The following DSCAML1 variants were observed in gnomAD, a reference collection of about 807,000 sequenced individuals.
The protein encoded by DSCAML1 is DS cell adhesion molecule like 1, also known as cell adhesion molecule DSCAML1.
In DSCAML1, 38 loss-of-function variants were observed where a neutral mutation model predicts 200.5. The observed-to-expected ratio is 0.19, with a 90% CI of 0.15 to 0.25. The LOEUF (loss-of-function observed/expected upper bound fraction) is 0.25, where lower values mean the gene tolerates loss of function less well. DSCAML1 is among the 10% of genes least tolerant of loss of function. DSCAML1 has a pLI of 1.00. For missense variants in DSCAML1, 2,223 were observed against 2,858.8 expected (o/e 0.78, Z 5.07); for synonymous variants, 1,215 against 1,165.0 (o/e 1.04, Z -0.87).
At chr11:117,539,802 GGAGA>G (rs1345295472) in intron 3 of DSCAML1, among the ~76,000 whole-genome samples, 1 of 151,978 alleles carries the variant, frequency 6.6e-6, no homozygotes, top group South Asian at 2.1e-4. Context: ...CTGAAAGCAG[GGAGA>G]GAGATATTTG....
intron 3 of DSCAML1, chr11:117,668,414 C>T (rs1195001887): frequency 1.3e-5 from 2 of 152,278 alleles, no homozygotes; most frequent in Admixed American, 1.3e-4. Context: ...TGCAAGCTCT[C>T]AGCAAAAACT....
At chr11:117,550,503 C>T (rs2137390316) in intron 3 of DSCAML1, among the ~76,000 whole-genome samples, 1 of 152,294 alleles carries the variant, frequency 6.6e-6, no homozygotes, top group South Asian at 2.1e-4. Context: ...CCATGGCCAG[C>T]TTTCAGGGTG....
intron 8 of DSCAML1, among the ~76,000 whole-genome samples, chr11:117,513,782 A>G (rs1189510094): frequency 6.6e-6 from 1 of 151,592 alleles, no homozygotes; most frequent in Non-Finnish European, 1.5e-5. Context: ...CTGGGCTCAA[A>G]GTGAGGTTTC....
At chr11:117,776,737 C>G in intron 3 of DSCAML1, 54 bp downstream of exon 3, 1 of 1,606,396 alleles carries the variant, frequency 6.2e-7, no homozygotes, top group Non-Finnish European at 8.5e-7. Context: ...CTACTTTATC[C>G]AGTCCCCACA....
rs539842393 is a variant in DSCAML1, at chr11:117,666,344, T to A, written c.511+110447A>T. ...ACCCAGTAGCTAGCATTTTCCATAG[T>A]GGATTTTAGAAGTTGTGTAATCAAT... On this transcript the variant is annotated intron_variant, in intron 3 of 32. Transcript: ENST00000651296. Among the ~76,000 whole-genome samples, 3 of 152,276 alleles carry A rather than the reference T, an allele frequency of 2.0e-5. No individual in the cohort carries two copies. In the East Asian group the frequency reaches 5.8e-4, roughly 29 times the overall value.
At chr11:117,556,940 T>C (rs919233185) in intron 3 of DSCAML1, among the ~76,000 whole-genome samples, 2 of 152,112 alleles carry the variant, frequency 1.3e-5, no homozygotes, top group African/African-American at 2.4e-5. Context: ...AGGATGCTAG[T>C]AAAGCGGTGG....
At chr11:117,448,327 C>G (rs1294442250) in intron 20 of DSCAML1, among the ~76,000 whole-genome samples, 2 of 152,148 alleles carry the variant, frequency 1.3e-5, no homozygotes, top group African/African-American at 2.4e-5. Context: ...TATAGAATTG[C>G]TAGGCTGCTA....
At chr11:117,581,650 T>C (rs1371477265) in intron 3 of DSCAML1, among the ~76,000 whole-genome samples, 1 of 152,200 alleles carries the variant, frequency 6.6e-6, no homozygotes, top group East Asian at 1.9e-4. Context: ...TACTTTTACA[T>C]GCATATGTTA....
chr11:117,527,418 G>GT (rs974803151), intron 4 of DSCAML1, among the ~76,000 whole-genome samples: 24 of 152,290 alleles, frequency 1.6e-4, no homozygotes, highest in African/African-American at 5.8e-4. Flanking sequence ...AACCGCTGCT[G>GT]TATCTCCCCA....
At chr11:117,811,537 TC>T (rs112630996) in intron 1 of DSCAML1, among the ~76,000 whole-genome samples, 2 of 152,018 alleles carry the variant, frequency 1.3e-5, no homozygotes, top group Non-Finnish European at 2.9e-5. Context: ...CAGAACCTCC[TC>T]CCCCAGGAGC....
intron 3 of DSCAML1, among the ~76,000 whole-genome samples, chr11:117,667,033 G>A (rs2052990922): frequency 6.6e-6 from 1 of 152,214 alleles, no homozygotes; most frequent in South Asian, 2.1e-4. Flanking sequence ...CTGGACAGCA[G>A]CTGGGGGGTC....
chr11:117,667,775 C>G (rs2053009348), intron 3 of DSCAML1, among the ~76,000 whole-genome samples: 1 of 152,198 alleles, frequency 6.6e-6, no homozygotes, highest in Non-Finnish European at 1.5e-5. Flanking sequence ...TGGCAGCATC[C>G]TTACTCCCAA....
rs779848753 is a variant in DSCAML1, at chr11:117,482,092, G to A, written c.2430C>T (p.Cys810=). ...TGATGGGCCGCTCACCCCGTGCCGT[G>A]CAGTTTAGCTCCTTCGCATGGCCCT... The part of the protein sequence containing the change: ...AIKGHAKELN[C]TARGERPIII... Residue 810 remains cysteine, a synonymous_variant, in exon 12 of 33, where the codon TGC becomes TGT. Transcript: ENST00000651296. 10 of 1,614,188 alleles carry A rather than the reference G, an allele frequency of 6.2e-6. No homozygotes were observed. The South Asian group carries it at 1.1e-4, about 18-fold the overall frequency.
chr11:117,514,139 C>A (rs545736795), intron 8 of DSCAML1, among the ~76,000 whole-genome samples: 1 of 152,244 alleles, frequency 6.6e-6, no homozygotes, highest in African/African-American at 2.4e-5. Flanking sequence ...GCCTTCCCCC[C>A]ATGCCAGAGC....
chr11:117,593,530 A>G (rs1372814091), intron 3 of DSCAML1, among the ~76,000 whole-genome samples: 3 of 152,212 alleles, frequency 2.0e-5, no homozygotes, highest in East Asian at 3.9e-4. Context: ...ATAGGGTTCT[A>G]CAAATCCCAG....
At chr11:117,786,093 G>A (rs1330281311) in intron 1 of DSCAML1, among the ~76,000 whole-genome samples, 2 of 152,094 alleles carry the variant, frequency 1.3e-5, no homozygotes, top group Non-Finnish European at 2.9e-5. Context: ...GCCACTCCCC[G>A]CAGCTCTTTC....
intron 1 of DSCAML1, among the ~76,000 whole-genome samples, chr11:117,793,035 C>A: frequency 6.6e-6 from 1 of 152,202 alleles, no homozygotes; most frequent in Non-Finnish European, 1.5e-5. Flanking sequence ...GCTCCTTCCC[C>A]ACCCCCTTCC....
intron 3 of DSCAML1, 35 bp from the exon 4 acceptor site, chr11:117,532,557 C>T: frequency 2.5e-6 from 4 of 1,599,184 alleles, no homozygotes; most frequent in Non-Finnish European, 2.6e-6. Context: ...TCGTTACTTC[C>T]CGGTTTCGTA....
At position 117,481,914 on chromosome 11, in the gene DSCAML1, C is replaced by A. The variant is rs748384000; in HGVS notation, c.2559+49G>T. 4.4e-6 allele frequency: 7 copies of A among 1,607,772 alleles called. No homozygotes were observed. In the South Asian group the frequency reaches 7.7e-5, roughly 18 times the overall value. On this transcript the variant is annotated intron_variant, in intron 12 of 32. Coordinates refer to ENST00000651296, the MANE Select transcript of DSCAML1 (RefSeq NM_020693.4). The stretch of plus-strand genomic sequence containing the variant: ...TGCAGATGTGATAGCTGCGGGCTCC[C>A]CACTCTCTGAGAGTTGGGGTCCCCC...
Sources: allele counts gnomAD v4.1 joint callset (sites outside exome capture counted in the v4.1 genomes callset), GRCh38; gene constraint gnomAD v4.1.1; transcripts MANE v1.5; gene names NCBI Gene and HGNC (gene_info 2026-07-23, HGNC 2026-07-21).